The following KDM4B variants were observed in gnomAD, a reference collection of about 807,000 sequenced individuals.
The protein encoded by KDM4B is lysine demethylase 4B, also known as lysine-specific demethylase 4B.
KDM4B carries 32 observed loss-of-function variants against 125.2 expected under a neutral mutation model. The observed-to-expected ratio is 0.26, with a 90% confidence interval of 0.19 to 0.34. The LOEUF is 0.34. KDM4B is among the 10% of genes least tolerant of loss of function. KDM4B has a pLI of 1.00. For synonymous variants in KDM4B, 721 were observed against 677.9 expected (o/e 1.06, Z -0.99); for missense variants, 1,190 against 1,577.7 (o/e 0.75, Z 4.16).
At chr19:5,111,636 C>T in intron 10 of KDM4B, 2 of 700,692 alleles carry the variant, frequency 2.9e-6, no homozygotes, top group East Asian at 5.1e-5. Context: ...ACAGATCTCA[C>T]TCCTGTTTGG....
At chr19:5,117,758 C>T (rs1599222190) in intron 10 of KDM4B, among the ~76,000 whole-genome samples, 1 of 152,172 alleles carries the variant, frequency 6.6e-6, no homozygotes, top group East Asian at 1.9e-4. Flanking sequence ...CCCACGCCCG[C>T]CCCTGCCTGC....
intron 13 of KDM4B, among the ~76,000 whole-genome samples, chr19:5,132,697 T>C (rs2613788): frequency 0.56 from 84,549 of 151,772 alleles, 23,914 homozygotes; most frequent in East Asian, 0.65. Flanking sequence ...CCAGAAGGCA[T>C]CTCTGGGGCC....
intron 1 of KDM4B, among the ~76,000 whole-genome samples, chr19:4,974,255 C>T (rs966169333): frequency 5.9e-5 from 9 of 151,536 alleles, no homozygotes; most frequent in African/African-American, 1.9e-4. Flanking sequence ...AAAAATTACC[C>T]GGGCATGGTG....
chr19:5,007,217 G>C (rs2035588251), intron 1 of KDM4B, among the ~76,000 whole-genome samples: 1 of 152,222 alleles, frequency 6.6e-6, no homozygotes, highest in Non-Finnish European at 1.5e-5. Context: ...TCTTGGCCAG[G>C]CTCTGCCATA....
At chr19:5,030,966 C>T (rs1414872777) in intron 2 of KDM4B, among the ~76,000 whole-genome samples, 1 of 152,254 alleles carries the variant, frequency 6.6e-6, no homozygotes, top group Admixed American at 6.5e-5. Flanking sequence ...ACCCAGTCCT[C>T]CCAGAGGGCT....
At chr19:5,014,063 C>A (rs1039280615) in intron 1 of KDM4B, among the ~76,000 whole-genome samples, 1 of 152,236 alleles carries the variant, frequency 6.6e-6, no homozygotes, top group Admixed American at 6.5e-5. Flanking sequence ...GTGAATGAGC[C>A]GTGCCCAGTG....
Position 5,131,877 on chromosome 19 carries a change from T to G in KDM4B, c.1786-10T>G. The G allele has an allele frequency of 6.2e-7, 1 of 1,612,682 alleles. No individual in the cohort carries two copies. The highest frequency in any genetic ancestry group is 1.3e-5 in the African/African-American group (1 of 75,000). ...GCGGGGCCCTCACTACAGCCTGTTG[T>G]GTGTTTCAGGCACCGTCCACATTTT... On this transcript the variant is annotated splice_polypyrimidine_tract_variant and intron_variant, in intron 12 of 22. Transcript: ENST00000159111.
At chr19:5,094,678 G>A (rs2038782641) in intron 9 of KDM4B, among the ~76,000 whole-genome samples, 1 of 152,192 alleles carries the variant, frequency 6.6e-6, no homozygotes, top group Non-Finnish European at 1.5e-5. Context: ...GTGTGCGGTG[G>A]TGCTGGGAGC....
At chr19:5,093,725 C>T (rs1185770193) in intron 9 of KDM4B, among the ~76,000 whole-genome samples, 4 of 152,174 alleles carry the variant, frequency 2.6e-5, no homozygotes, top group South Asian at 2.1e-4. Context: ...GGAGTGTGAC[C>T]GCCACTCGCC....
Position 5,067,168 on chromosome 19 carries a change from A to G in KDM4B, c.627-3842A>G, listed in dbSNP as rs150824691. ...CCCCCGCCCAGACATACCCCAGGGCACCTGCTCCGTGCTCGGAGAGCTTAG... is the reference window on the plus strand; with the variant it reads ...CCCCCGCCCAGACATACCCCAGGGCGCCTGCTCCGTGCTCGGAGAGCTTAG... On this transcript the variant is annotated intron_variant, in intron 6 of 22. Coordinates refer to ENST00000159111, the MANE Select transcript of KDM4B (RefSeq NM_015015.3). Among the ~76,000 whole-genome samples, 1,492 of 152,174 alleles carry G rather than the reference A, an allele frequency of 9.8e-3. 30 individuals are homozygous for G. Among genetic ancestry groups the G allele is most frequent in the African/African-American group, 0.034 (1,420 of 41,514 alleles).
chr19:5,142,982 C>T lies in KDM4B; in HGVS notation c.2551-985C>T, dbSNP rs1311377128. 3.9e-5 allele frequency among the ~76,000 whole-genome samples: 6 copies of T among 151,998 alleles called. No individual in the cohort carries two copies. Among genetic ancestry groups the T allele is most frequent in the African/African-American group, 1.5e-4 (6 of 41,368 alleles). ...GCCTCAAGGGATGAAAGGTGGCTCT[C>T]CGGTGCTCCCTCCTCACCAAGGAGG... On this transcript the variant is annotated intron_variant, in intron 18 of 22. Transcript: ENST00000159111. The surrounding 1 kb of genome is among the most constrained non-coding windows in gnomAD (Gnocchi z 5.4).
chr19:5,139,943 C>T (rs1280802607), intron 18 of KDM4B, among the ~76,000 whole-genome samples: 1 of 152,242 alleles, frequency 6.6e-6, no homozygotes, highest in Non-Finnish European at 1.5e-5. Context: ...CCCTTGGAGC[C>T]ACAGGGCAGT....
At chr19:5,060,920 A>G (rs1021529666) in intron 6 of KDM4B, among the ~76,000 whole-genome samples, 1 of 152,240 alleles carries the variant, frequency 6.6e-6, no homozygotes, top group African/African-American at 2.4e-5. Context: ...TTGTGGGCCT[A>G]AAATAAATCA....
rs2038294359 is a variant in KDM4B, at chr19:5,081,544, G to A, written c.781-823G>A. Among the ~76,000 whole-genome samples the A allele has an allele frequency of 6.6e-6, 1 of 152,136 alleles. No homozygotes were observed. Among genetic ancestry groups the A allele is most frequent in the African/African-American group, 2.4e-5 (1 of 41,432 alleles). On this transcript the variant is annotated intron_variant, in intron 8 of 22. Coordinates refer to ENST00000159111, the MANE Select transcript of KDM4B (RefSeq NM_015015.3). This position sits in a 1 kb window ranked among gnomAD's most constrained non-coding sequence, Gnocchi z 4.2. ...TCATTGTGGGCCCCACCCCAGCCACGCACGCCTCGGCTCCTCAGTTTAGGG... is the reference window on the plus strand; with the variant it reads ...TCATTGTGGGCCCCACCCCAGCCACACACGCCTCGGCTCCTCAGTTTAGGG...
chr19:5,131,134 CTTCGGCCTGCTG>C lies in KDM4B; in HGVS notation c.1375_1386del (p.Phe459_Leu462del). ...CCAAGAGCGAGCGGAAGAAGAAGAGCTTCGGCCTGCTGCCCCCACAGCTGCCGCCCCCGCCTG... is the reference window on the plus strand; with the variant it reads ...CCAAGAGCGAGCGGAAGAAGAAGAGCCCCCCACAGCTGCCGCCCCCGCCTG... On this transcript the variant is annotated inframe_deletion, in exon 12 of 23. Coordinates refer to ENST00000159111, the MANE Select transcript of KDM4B (RefSeq NM_015015.3). The C allele has an allele frequency of 6.5e-7, 1 of 1,538,982 alleles. No individual in the cohort carries two copies. The highest frequency in any genetic ancestry group is 8.8e-7 in the Non-Finnish European group (1 of 1,142,780).
At chr19:5,008,098 A>G (rs1304208131) in intron 1 of KDM4B, among the ~76,000 whole-genome samples, 2 of 152,186 alleles carry the variant, frequency 1.3e-5, no homozygotes, top group Non-Finnish European at 2.9e-5. Context: ...CAACATAGGA[A>G]GATACTGTTG....
chr19:5,134,577 A>G (rs766078719), intron 14 of KDM4B, among the ~76,000 whole-genome samples: 1 of 152,196 alleles, frequency 6.6e-6, no homozygotes, highest in Non-Finnish European at 1.5e-5. Context: ...CACCCAGCCC[A>G]GCCGTTTTCC....
intron 11 of KDM4B, among the ~76,000 whole-genome samples, chr19:5,130,699 C>T (rs368269017): frequency 3.9e-5 from 6 of 152,238 alleles, no homozygotes; most frequent in East Asian, 3.8e-4. Context: ...CCATTTGGTA[C>T]GGCCCACCCA....
chr19:5,089,970 A>G (rs915977312), intron 9 of KDM4B, among the ~76,000 whole-genome samples: 2 of 152,128 alleles, frequency 1.3e-5, no homozygotes, highest in African/African-American at 4.8e-5. Flanking sequence ...GAGGTTCAAG[A>G]CCGGCCTGGG....
Sources: allele counts gnomAD v4.1 joint callset (sites outside exome capture counted in the v4.1 genomes callset), GRCh38; gene constraint gnomAD v4.1.1; non-coding constraint Gnocchi (gnomAD v3.1); transcripts MANE v1.5; gene names NCBI Gene and HGNC (gene_info 2026-07-23, HGNC 2026-07-21).